The following APLF variants were observed in gnomAD, a reference collection of about 807,000 sequenced individuals.
The protein encoded by APLF is aprataxin and PNK-like factor.
Under a neutral mutation model 55.6 loss-of-function variants are expected in APLF, and 61 were observed. The ratio of observed to expected loss-of-function variants is 1.10; its 90% CI spans 0.89 to 1.36. APLF has a LOEUF of 1.36. Among genes scored for constraint, APLF ranks in the 40% most tolerant of loss-of-function variants. The pLI is 0.00. For missense variants in APLF, 611 were observed against 602.5 expected (o/e 1.01, Z -0.15); for synonymous variants, 207 against 214.8 (o/e 0.96, Z 0.32).
chr2:68,568,331 A>G, intron 9 of APLF: 1 of 983,916 alleles, frequency 1.0e-6, no homozygotes, highest in African/African-American at 1.7e-5. Context: ...TGTGCATACA[A>G]ACAGCTGACT....
At chr2:68,528,246 G>A in intron 6 of APLF, 2 of 1,255,886 alleles carry the variant, frequency 1.6e-6, no homozygotes, top group East Asian at 5.1e-5. Context: ...CTGCCCTGCT[G>A]TCTCTTCTTT....
chr2:68,513,085 G>C lies in APLF; in HGVS notation c.347G>C (p.Ser116Thr), dbSNP rs1669449552. 5.6e-6 allele frequency: 9 copies of C among 1,604,056 alleles called. No homozygotes were observed. The highest frequency in any genetic ancestry group is 1.3e-5 in the African/African-American group (1 of 74,338). ...EVEMQCTLRN[S>T]QVLDEDNILN... ...GTTTCTATTTTATCTTATAGAAACA[G>C]TCAAGTGCTTGATGAAGATAATATA... The change falls in exon 4 of 10, where the codon AGT (serine) becomes ACT (threonine). Residue 116 changes from serine to threonine, a missense_variant. Physicochemically the swap from Ser to Thr is moderately conservative, Grantham distance 58. Coordinates refer to ENST00000303795, the MANE Select transcript of APLF (RefSeq NM_173545.3).
intron 5 of APLF, among the ~76,000 whole-genome samples, chr2:68,523,402 TATACA>T (rs199822465): frequency 0.014 from 2,099 of 152,088 alleles, 41 homozygotes; most frequent in African/African-American, 0.046. Flanking sequence ...AATTTTTAAA[TATACA>T]ATACACTTTG....
chr2:68,517,984 C>G (rs1669686558), intron 5 of APLF, among the ~76,000 whole-genome samples: 1 of 133,742 alleles, frequency 7.5e-6, no homozygotes, highest in Non-Finnish European at 1.5e-5. Context: ...AGTAATATAT[C>G]ACTAATATGT....
At position 68,579,552 on chromosome 2, in the gene APLF, A is replaced by G. The variant is rs527911626; in HGVS notation, c.*1530A>G. 38 of 250,244 alleles carry G rather than the reference A, an allele frequency of 1.5e-4. No homozygotes were observed. Among genetic ancestry groups the G allele is most frequent in the African/African-American group, 1.2e-3 (34 of 27,354 alleles). The allele number at this position is 250,244 out of a possible 1,614,324, so 15.5% of individuals were successfully genotyped here. A position where few individuals can be genotyped will look rare whatever the true frequency, so the allele number is the denominator to read the frequency against. Reference sequence around the variant, plus strand: ...TATAAACACCCAAAGTCTATCAACTATCAACTGGGTGAATGGATAAGCAAA... The same window carrying G: ...TATAAACACCCAAAGTCTATCAACTGTCAACTGGGTGAATGGATAAGCAAA... On this transcript the variant is annotated 3_prime_UTR_variant, in exon 10 of 10. Transcript: ENST00000303795.
intron 5 of APLF, among the ~76,000 whole-genome samples, chr2:68,524,489 CAT>C (rs1669977761): frequency 6.6e-6 from 1 of 152,152 alleles, no homozygotes; most frequent in Admixed American, 6.5e-5. Context: ...CATGGTCAGC[CAT>C]ATATGCATTG....
intron 5 of APLF, among the ~76,000 whole-genome samples, chr2:68,516,981 AT>A (rs1434201751): frequency 8.9e-4 from 111 of 125,360 alleles, no homozygotes; most frequent in African/African-American, 3.2e-3. Flanking sequence ...ATATAATATA[AT>A]TATATATAAT....
At chr2:68,520,396 A>G (rs888253317) in intron 5 of APLF, among the ~76,000 whole-genome samples, 2 of 151,962 alleles carry the variant, frequency 1.3e-5, no homozygotes, top group African/African-American at 2.4e-5. Flanking sequence ...TCCTAAGCCA[A>G]TTTCTAGAAG....
intron 8 of APLF, among the ~76,000 whole-genome samples, chr2:68,564,847 G>T (rs1220693802): frequency 4.6e-5 from 7 of 152,016 alleles, no homozygotes; most frequent in African/African-American, 1.7e-4. Context: ...GTTTGAGAAG[G>T]ATTAATTGTA....
intron 9 of APLF, among the ~76,000 whole-genome samples, chr2:68,572,278 C>T (rs1435879744): frequency 2.6e-5 from 4 of 151,906 alleles, no homozygotes; most frequent in Non-Finnish European, 5.9e-5. Context: ...CAACTAGTTG[C>T]TTAGTGCATT....
intron 8 of APLF, among the ~76,000 whole-genome samples, chr2:68,559,101 C>G (rs1465681814): frequency 6.6e-6 from 1 of 152,098 alleles, no homozygotes; most frequent in East Asian, 1.9e-4. Flanking sequence ...TATGCTAATT[C>G]TGTAGCATGA....
Position 68,488,329 on chromosome 2 carries a change from C to CTT in APLF, c.97-1843_97-1842dup, listed in dbSNP as rs60462016. Among the ~76,000 whole-genome samples the CTT allele has an allele frequency of 1.3e-4, 17 of 128,854 alleles. No individual in the cohort carries two copies. The East Asian group carries it at 2.0e-3, about 15-fold the overall frequency. The allele number at this position is 128,854 out of a possible 152,430, so 84.5% of individuals were successfully genotyped here. A position where few individuals can be genotyped will look rare whatever the true frequency, so the allele number is the denominator to read the frequency against. ...TATAAATGTGTTCTACATTTATTATCTTTTTTTTTTTTTTTTTTTGAGGCA... is the reference window on the plus strand; with the variant it reads ...TATAAATGTGTTCTACATTTATTATCTTTTTTTTTTTTTTTTTTTTTGAGGCA... On this transcript the variant is annotated intron_variant, in intron 1 of 9. Coordinates refer to ENST00000303795, the MANE Select transcript of APLF (RefSeq NM_173545.3).
At chr2:68,509,000 G>A (rs1479877006) in intron 3 of APLF, among the ~76,000 whole-genome samples, 1 of 151,950 alleles carries the variant, frequency 6.6e-6, no homozygotes, top group Non-Finnish European at 1.5e-5. Flanking sequence ...AATGGTGCTG[G>A]GAAAACTGGC....
At chr2:68,506,324 G>C (rs544425753) in intron 3 of APLF, among the ~76,000 whole-genome samples, 6 of 144,492 alleles carry the variant, frequency 4.2e-5, no homozygotes, top group Admixed American at 6.7e-5. Flanking sequence ...ATGTCTACCC[G>C]GGGGAGGCAG....
intron 4 of APLF, 146 bp from the exon 5 acceptor site, chr2:68,513,402 A>C (rs964037412): frequency 4.9e-6 from 6 of 1,233,142 alleles, no homozygotes; most frequent in African/African-American, 1.5e-5. Context: ...AAACTAATAG[A>C]AATAATTTCT....
intron 2 of APLF, among the ~76,000 whole-genome samples, chr2:68,500,747 C>G (rs753883469): frequency 1.3e-5 from 2 of 152,164 alleles, no homozygotes; most frequent in Non-Finnish European, 2.9e-5. Flanking sequence ...ATTCCTGACT[C>G]TGATGACCAT....
intron 8 of APLF, among the ~76,000 whole-genome samples, chr2:68,552,398 T>C (rs549228020): frequency 6.7e-6 from 1 of 149,816 alleles, no homozygotes; most frequent in Admixed American, 6.6e-5. Flanking sequence ...TTAAATCTTA[T>C]CCTTAACCAA....
intron 1 of APLF, among the ~76,000 whole-genome samples, chr2:68,475,934 A>C (rs1009569448): frequency 2.0e-5 from 3 of 151,794 alleles, no homozygotes; most frequent in East Asian, 3.9e-4. Flanking sequence ...GTAGAAGGAA[A>C]TAATCTAATG....
chr2:68,479,009 G>A (rs1675869590), intron 1 of APLF, among the ~76,000 whole-genome samples: 1 of 152,192 alleles, frequency 6.6e-6, no homozygotes, highest in Non-Finnish European at 1.5e-5. Flanking sequence ...TACCTTGCCA[G>A]TAAGAGACTG....
Sources: allele counts gnomAD v4.1 joint callset (sites outside exome capture counted in the v4.1 genomes callset), GRCh38; gene constraint gnomAD v4.1.1; transcripts MANE v1.5; gene names NCBI Gene and HGNC (gene_info 2026-07-23, HGNC 2026-07-21).